The following KRIT1 variants were observed in gnomAD, a reference collection of about 807,000 sequenced individuals.
KRIT1 encodes KRIT1 ankyrin repeat containing.
Under a neutral mutation model 95.8 loss-of-function variants are expected in KRIT1, and 45 were observed. That is an observed-to-expected ratio of 0.47 (90% CI 0.37 to 0.60). The LOEUF is 0.60. KRIT1 is among the 20% of genes least tolerant of loss of function. The probability of loss-of-function intolerance (pLI) is 0.00; values close to 1 mark genes in which losing one functional copy is unlikely to be tolerated. For missense variants in KRIT1, 788 were observed against 877.5 expected (o/e 0.90, Z 1.29); for synonymous variants, 282 against 278.8 (o/e 1.01, Z -0.11).
At position 92,237,871 on chromosome 7, in the gene KRIT1, A is replaced by C. The variant is rs1394709474; in HGVS notation, c.263-112T>G. 3 of 658,342 alleles carry C rather than the reference A, an allele frequency of 4.6e-6. No individual in the cohort carries two copies. The African/African-American group carries it at 5.5e-5, about 12-fold the overall frequency. 40.8% of individuals were successfully genotyped at this position (658,342 alleles called of 1,614,324 possible). A position where few individuals can be genotyped will look rare whatever the true frequency, so the allele number is the denominator to read the frequency against. ...TAAAAGGCAGCATTAAGAGGAACTG[A>C]AATATACTAAGTCAATTTTATTATA... On this transcript the variant is annotated intron_variant, in intron 5 of 18. Coordinates refer to ENST00000394505, the MANE Select transcript of KRIT1 (RefSeq NM_194454.3).
intron 15 of KRIT1, 70 bp downstream of exon 15, chr7:92,214,541 T>A (rs1003018172): frequency 2.6e-6 from 3 of 1,172,398 alleles, no homozygotes; most frequent in Non-Finnish European, 3.8e-6. Context: ...TCTAATAACA[T>A]TTTTAAACTT....
In KRIT1 at chr7:92,200,681, GA is replaced by G; in HGVS notation, c.*54del. On this transcript the variant is annotated 3_prime_UTR_variant, in exon 19 of 19. Coordinates refer to ENST00000394505, the MANE Select transcript of KRIT1 (RefSeq NM_194454.3). ...GTAATATTTTAAGAAATCTTTCACG[GA>G]AAAAAAACTCTGCATTACAAAATGT... The G allele has an allele frequency of 6.8e-6, 8 of 1,173,392 alleles. No individual in the cohort carries two copies. Among genetic ancestry groups the G allele is most frequent in the African/African-American group, 1.5e-5 (1 of 66,398 alleles). The allele number at this position is 1,173,392 out of a possible 1,614,324, so 72.7% of individuals were successfully genotyped here.
intron 4 of KRIT1, among the ~76,000 whole-genome samples, chr7:92,241,717 G>A (rs576735177): frequency 6.6e-6 from 1 of 152,272 alleles, no homozygotes; most frequent in South Asian, 2.1e-4. Context: ...ACAAAGTTTG[G>A]ATTGAAATTT....
chr7:92,220,421 CTCTA>C (rs1584860463), intron 14 of KRIT1, among the ~76,000 whole-genome samples: 1 of 152,040 alleles, frequency 6.6e-6, no homozygotes, highest in Non-Finnish European at 1.5e-5. Flanking sequence ...AGAGGATCTA[CTCTA>C]TCTTTGGCTT....
intron 14 of KRIT1, among the ~76,000 whole-genome samples, chr7:92,215,731 C>T (rs998697008): frequency 2.0e-5 from 3 of 151,332 alleles, no homozygotes; most frequent in Admixed American, 1.3e-4. Context: ...GTTGGGACTA[C>T]AGGTGTTAGC....
At chr7:92,211,574 T>A (rs1313002964) in intron 17 of KRIT1, among the ~76,000 whole-genome samples, 2 of 152,114 alleles carry the variant, frequency 1.3e-5, no homozygotes, top group Non-Finnish European at 2.9e-5. Context: ...TTAGATAGAA[T>A]GAATAAGTTG....
chr7:92,241,998 C>A (rs765055882), intron 4 of KRIT1, 36 bp downstream of exon 4: 1 of 1,053,166 alleles, frequency 9.5e-7, no homozygotes, highest in East Asian at 2.4e-5. Flanking sequence ...GAATGACATT[C>A]AATGGTAGAA....
chr7:92,220,453 AAT>A (rs1370360663), intron 14 of KRIT1, among the ~76,000 whole-genome samples: 3 of 152,160 alleles, frequency 2.0e-5, no homozygotes, highest in Non-Finnish European at 2.9e-5. Context: ...TAAAAGGAGC[AAT>A]ATATATAGTT....
intron 14 of KRIT1, among the ~76,000 whole-genome samples, chr7:92,219,349 T>C (rs183754446): frequency 3.3e-5 from 5 of 152,284 alleles, no homozygotes; most frequent in Admixed American, 2.0e-4. Flanking sequence ...TTTCCTACTT[T>C]TGCAATGTGA....
intron 3 of KRIT1, among the ~76,000 whole-genome samples, chr7:92,242,797 T>G (rs1309233648): frequency 6.6e-6 from 1 of 152,322 alleles, no homozygotes; most frequent in East Asian, 1.9e-4. Context: ...CCCTTATCAA[T>G]TTCCTTGATA....
intron 17 of KRIT1, among the ~76,000 whole-genome samples, chr7:92,212,638 A>G (rs1031703874): frequency 1.3e-5 from 2 of 152,222 alleles, no homozygotes; most frequent in African/African-American, 2.4e-5. Flanking sequence ...CAACCCCGCT[A>G]GCACGCTGAT....
Position 92,226,611 on chromosome 7 carries a change from T to C in KRIT1, c.1061A>G (p.Gln354Arg). ...GKCNPNLLNG[Q>R]LSSPLHFAAG... ...AGCAAAATGAAGAGGAGAACTAAGT[T>C]GTCCATTTAAAAGGTTTGGATTGCA... Residue 354 changes from glutamine to arginine, a missense_variant, in exon 11 of 19, where the codon CAA becomes CGA. By Grantham distance (43) the Gln-to-Arg change is conservative. Around this residue, in one of 3 missense-constraint regions of KRIT1, gnomAD observed 493 missense variants for 582.3 expected, o/e 0.85. Coordinates refer to ENST00000394505, the MANE Select transcript of KRIT1 (RefSeq NM_194454.3). 6.2e-7 allele frequency: 1 copy of C among 1,613,330 alleles called. No homozygotes were observed. Among genetic ancestry groups the C allele is most frequent in the Non-Finnish European group, 8.5e-7 (1 of 1,179,364 alleles).
intron 5 of KRIT1, among the ~76,000 whole-genome samples, chr7:92,240,410 T>G (rs1799368502): frequency 1.3e-5 from 2 of 152,220 alleles, no homozygotes; most frequent in Admixed American, 1.3e-4. Flanking sequence ...CTTTTTAAAT[T>G]GTAGTAACTG....
In KRIT1 at chr7:92,222,869, TGA is replaced by T. The variant is rs1180476377; in HGVS notation, c.1362_1363del (p.Gln455ArgfsTer24). The T allele has an allele frequency of 6.2e-7, 1 of 1,610,060 alleles. No individual in the cohort carries two copies. Among genetic ancestry groups the T allele is most frequent in the Non-Finnish European group, 8.5e-7 (1 of 1,176,410 alleles). On this transcript the variant is annotated frameshift_variant, in exon 13 of 19. Coordinates refer to ENST00000394505, the MANE Select transcript of KRIT1 (RefSeq NM_194454.3). LOFTEE classifies it high-confidence loss of function. ...TATAGTGAAATATTGCTGAGTTTCTTGAGAGAGACGCATTCCTTCCATTATCT... is the reference window on the plus strand; with the variant it reads ...TATAGTGAAATATTGCTGAGTTTCTTGAGAGACGCATTCCTTCCATTATCT...
At position 92,235,764 on chromosome 7, in the gene KRIT1, TTTAA is replaced by T. The variant is rs925994471; in HGVS notation, c.486-122_486-119del. 1.1e-5 allele frequency: 10 copies of T among 918,836 alleles called. No homozygotes were observed. The Admixed American group carries it at 1.8e-4, about 17-fold the overall frequency. 56.9% of individuals were successfully genotyped at this position (918,836 alleles called of 1,614,324 possible). A position where few individuals can be genotyped will look rare whatever the true frequency, so the allele number is the denominator to read the frequency against. Reference sequence around the variant, plus strand: ...AATATTACCTTCAGATTTTTATAATTTTAATTTAGTGTTAGTTAAGTACTTTATT... The same window carrying T: ...AATATTACCTTCAGATTTTTATAATTTTTAGTGTTAGTTAAGTACTTTATT... On this transcript the variant is annotated intron_variant, in intron 7 of 18. Transcript: ENST00000394505.
intron 10 of KRIT1, among the ~76,000 whole-genome samples, chr7:92,231,925 T>A (rs1474430624): frequency 6.6e-6 from 1 of 152,124 alleles, no homozygotes; most frequent in Non-Finnish European, 1.5e-5. Context: ...ATTTTTACAA[T>A]ATTTATTTTT....
chr7:92,227,910 G>A (rs1474772284), intron 10 of KRIT1, among the ~76,000 whole-genome samples: 1 of 151,986 alleles, frequency 6.6e-6, no homozygotes, highest in Non-Finnish European at 1.5e-5. Flanking sequence ...TACTATGGAG[G>A]CTGAGGCAGG....
chr7:92,201,683 CT>C (rs1230059338), intron 17 of KRIT1: 13 of 378,246 alleles, frequency 3.4e-5, no homozygotes, highest in African/African-American at 2.3e-4. Flanking sequence ...TATCCCTCCC[CT>C]AGCCCCCTAC....
At position 92,213,928 on chromosome 7, in the gene KRIT1, T is replaced by C. The variant is rs145605400; in HGVS notation, c.1782A>G (p.Ala594=). 331 of 1,610,794 alleles carry C rather than the reference T, an allele frequency of 2.1e-4. 2 individuals are homozygous for C. Among genetic ancestry groups the C allele is most frequent in the Middle Eastern group, 2.0e-3 (12 of 6,054 alleles). ...GAAGTATGCGATTTGTCCAGTGAGGTGCCTTACTTTTCAGTTTGGTAACAG... is the reference window on the plus strand; with the variant it reads ...GAAGTATGCGATTTGTCCAGTGAGGCGCCTTACTTTTCAGTTTGGTAACAG... ...IVPVTKLKSK[A]PHWTNRILHE... The change falls in exon 16 of 19, where the codon GCA becomes GCG. Residue 594 remains alanine (A), a synonymous_variant. Coordinates refer to ENST00000394505, the MANE Select transcript of KRIT1 (RefSeq NM_194454.3).
Sources: allele counts gnomAD v4.1 joint callset (sites outside exome capture counted in the v4.1 genomes callset), GRCh38; gene constraint gnomAD v4.1.1; regional missense constraint gnomAD v4.1.1; transcripts MANE v1.5; gene names NCBI Gene and HGNC (gene_info 2026-07-23, HGNC 2026-07-21).